Variants in TYW1B observed in about 807,000 individuals in gnomAD.
TYW1B encodes the protein tRNA-yW synthesizing protein 1 homolog B, also known as S-adenosyl-L-methionine-dependent tRNA 4-demethylwyosine synthase TYW1B.
Under a neutral mutation model 86.9 loss-of-function variants are expected in TYW1B, and 73 were observed. That is an observed-to-expected ratio of 0.84 (90% CI 0.70 to 1.02). The LOEUF (loss-of-function observed/expected upper bound fraction) is 1.02. Among genes scored for constraint, TYW1B ranks in the 50% least tolerant of loss-of-function variants. The pLI, the probability that TYW1B is intolerant of heterozygous loss-of-function variation, is 0.00. For synonymous variants in TYW1B, 248 were observed against 292.8 expected (o/e 0.85, Z 1.56); for missense variants, 637 against 827.4 (o/e 0.77, Z 2.82).
Position 72,650,205 on chromosome 7 carries a change from C to T in TYW1B, c.1507-21208G>A, listed in dbSNP as rs114204448. 6.0e-3 allele frequency among the ~76,000 whole-genome samples: 906 copies of T among 152,008 alleles called. 9 individuals carry two copies. Among genetic ancestry groups the T allele is most frequent in the African/African-American group, 0.021 (857 of 41,470 alleles). On this transcript the variant is annotated intron_variant, in intron 11 of 13. Transcript: ENST00000620995. The stretch of plus-strand genomic sequence containing the variant: ...CTGGGATTACAGGAGTGAGCCACCG[C>T]GCCTAGTCCAGAATGTTTTTAACCC...
intron 10 of TYW1B, among the ~76,000 whole-genome samples, chr7:72,695,321 C>G (rs1554451261): frequency 6.6e-6 from 1 of 152,148 alleles, no homozygotes; most frequent in African/African-American, 2.4e-5. Flanking sequence ...ACCTATGCTT[C>G]CATAAGCAGG....
chr7:72,651,726 T>TA (rs1416817764), intron 11 of TYW1B, among the ~76,000 whole-genome samples: 7 of 151,950 alleles, frequency 4.6e-5, no homozygotes, highest in Non-Finnish European at 8.8e-5. Context: ...TTGCAAGTCA[T>TA]AAAAAATCAC....
At chr7:72,700,845 T>A (rs1814448826) in intron 10 of TYW1B, among the ~76,000 whole-genome samples, 2 of 152,108 alleles carry the variant, frequency 1.3e-5, no homozygotes, top group South Asian at 4.1e-4. Flanking sequence ...GGGGGGCAGA[T>A]CACTTGAGGT....
chr7:72,755,138 C>A (rs539861764), intron 7 of TYW1B, among the ~76,000 whole-genome samples: 19 of 152,230 alleles, frequency 1.2e-4, no homozygotes, highest in Non-Finnish European at 2.6e-4. Flanking sequence ...TGTCATCTGG[C>A]GGGGCACAGT....
At chr7:72,579,625 G>C (rs1811103495) in intron 13 of TYW1B, among the ~76,000 whole-genome samples, 1 of 152,134 alleles carries the variant, frequency 6.6e-6, no homozygotes, top group Non-Finnish European at 1.5e-5. Flanking sequence ...GAGTGAGCAA[G>C]TGACTTGGGC....
chr7:72,731,404 A>AC (rs1473552699), intron 8 of TYW1B, among the ~76,000 whole-genome samples: 4 of 150,400 alleles, frequency 2.7e-5, no homozygotes, highest in Admixed American at 2.0e-4. Flanking sequence ...AAAAAAAAAA[A>AC]AAAAAAAAAA....
chr7:72,679,472 A>G (rs1414598663), intron 11 of TYW1B, among the ~76,000 whole-genome samples: 2 of 152,214 alleles, frequency 1.3e-5, no homozygotes, highest in African/African-American at 4.8e-5. Context: ...AAATATAACA[A>G]TGTGAATACG....
chr7:72,755,744 G>C (rs1787575838), intron 7 of TYW1B, among the ~76,000 whole-genome samples: 1 of 152,190 alleles, frequency 6.6e-6, no homozygotes, highest in South Asian at 2.1e-4. Flanking sequence ...GTGAAAAACA[G>C]GAAGAAGAGT....
At chr7:72,761,739 T>C (rs1262772609) in intron 7 of TYW1B, among the ~76,000 whole-genome samples, 1 of 151,418 alleles carries the variant, frequency 6.6e-6, no homozygotes, top group Non-Finnish European at 1.5e-5. Flanking sequence ...GTGAAAAAAG[T>C]TATGGATATG....
chr7:72,593,514 G>C (rs1554431962), intron 13 of TYW1B, among the ~76,000 whole-genome samples: 1 of 151,876 alleles, frequency 6.6e-6, no homozygotes, highest in Non-Finnish European at 1.5e-5. Context: ...CAAGAACAAT[G>C]GGATGAAGTT....
rs566373689 is a variant in TYW1B at position 72,618,286 on chromosome 7, G to A, written c.1618-1447C>T. On this transcript the variant is annotated intron_variant, in intron 12 of 13. Transcript: ENST00000620995. ...GGCTGGAGTGCAGTGGCCTGATCTC[G>A]GCTCACTGCAGCCTCCGCCTCCTGG... Among the ~76,000 whole-genome samples, 9 of 135,136 alleles carry A rather than the reference G, an allele frequency of 6.7e-5. No individual in the cohort carries two copies. In the East Asian group the frequency reaches 1.6e-3, roughly 24 times the overall value. The allele number at this position is 135,136 out of a possible 152,430, so 88.7% of individuals were successfully genotyped here.
chr7:72,606,107 G>A (rs1288350212), intron 13 of TYW1B, among the ~76,000 whole-genome samples: 2 of 152,160 alleles, frequency 1.3e-5, no homozygotes, highest in Non-Finnish European at 2.9e-5. Context: ...GAACAACATG[G>A]TGGTGAGTTT....
chr7:72,639,076 A>G (rs1404425520), intron 11 of TYW1B, among the ~76,000 whole-genome samples: 1 of 152,162 alleles, frequency 6.6e-6, no homozygotes, highest in African/African-American at 2.4e-5. Context: ...TAAACAAAGT[A>G]CAATGTGAGA....
chr7:72,692,205 C>CAA (rs1168197742), intron 11 of TYW1B, among the ~76,000 whole-genome samples: 507 of 61,842 alleles, frequency 8.2e-3, no homozygotes, highest in African/African-American at 9.7e-3. Context: ...GACTCCATCT[C>CAA]AAAAAAAAAA....
At chr7:72,598,530 T>C (rs1409019612) in intron 13 of TYW1B, among the ~76,000 whole-genome samples, 1 of 152,140 alleles carries the variant, frequency 6.6e-6, no homozygotes, top group Non-Finnish European at 1.5e-5. Flanking sequence ...AGGCCAGAGC[T>C]CTCAATGAGG....
intron 10 of TYW1B, among the ~76,000 whole-genome samples, chr7:72,697,479 G>C (rs1385226076): frequency 6.6e-6 from 1 of 152,146 alleles, no homozygotes; most frequent in Non-Finnish European, 1.5e-5. Flanking sequence ...AATTAGCAAA[G>C]AGACTTTTGG....
At chr7:72,614,428 G>A (rs1222852477) in intron 13 of TYW1B, among the ~76,000 whole-genome samples, 3 of 152,100 alleles carry the variant, frequency 2.0e-5, no homozygotes, top group African/African-American at 4.8e-5. Flanking sequence ...GGGTCAGGAG[G>A]TCGAAACCAG....
At chr7:72,675,582 C>T (rs1382079545) in intron 11 of TYW1B, among the ~76,000 whole-genome samples, 7 of 145,874 alleles carry the variant, frequency 4.8e-5, no homozygotes, top group Admixed American at 6.8e-5. Context: ...TACACACACA[C>T]ATATATATAT....
Position 72,815,449 on chromosome 7 carries a change from C to G in TYW1B, c.168G>C (p.Thr56=). Residue 56 remains threonine (T), a synonymous_variant, in exon 3 of 14, where the codon ACG becomes ACC. Transcript: ENST00000620995. ...GFATVLAEAV[T]SLDLPVAIIN... ...TAATGGCCACAGGCAGATCCAGGGA[C>G]GTAACTGCTTCAGCAAGAACTGTTG... 2 of 1,608,526 alleles carry G rather than the reference C, an allele frequency of 1.2e-6. No individual in the cohort carries two copies. Among genetic ancestry groups the G allele is most frequent in the Non-Finnish European group, 1.7e-6 (2 of 1,178,702 alleles).
Sources: allele counts gnomAD v4.1 joint callset (sites outside exome capture counted in the v4.1 genomes callset), GRCh38; gene constraint gnomAD v4.1.1; transcripts MANE v1.5; gene names NCBI Gene and HGNC (gene_info 2026-07-23, HGNC 2026-07-21).